The following WLS variants were observed in gnomAD, a reference collection of about 807,000 sequenced individuals.
WLS encodes the protein protein wntless homolog.
Under a neutral mutation model 62.8 loss-of-function variants are expected in WLS, and 23 were observed. That is an observed-to-expected ratio of 0.37 (90% CI 0.26 to 0.52). WLS has a LOEUF of 0.52. WLS is among the 20% of genes least tolerant of loss of function. The probability of loss-of-function intolerance (pLI) is 0.92; values close to 1 mark genes in which losing one functional copy is unlikely to be tolerated. For synonymous variants in WLS, 246 were observed against 244.1 expected (o/e 1.01, Z -0.07); for missense variants, 615 against 697.3 (o/e 0.88, Z 1.33).
Position 68,232,254 on chromosome 1 carries a change from T to C in WLS, c.46A>G (p.Ile16Val), listed in dbSNP as rs1376915170. The stretch of plus-strand genomic sequence containing the variant: ...AACACGAGCAGAATCCCACCAACAA[T>C]GCACAGCTTCTTGGTGCTCATGTTT... ...IENMSTKKLC[I>V]VGGILLVFQI... Residue 16 changes from isoleucine (I) to valine (V), a missense_variant, in exon 1 of 12, where the codon ATT (isoleucine) becomes GTT (valine). Physicochemically the swap from Ile to Val is conservative, Grantham distance 29. Coordinates refer to ENST00000262348, the MANE Select transcript of WLS (RefSeq NM_024911.7). 6.2e-7 allele frequency: 1 copy of C among 1,614,016 alleles called. No homozygotes were observed. The highest frequency in any genetic ancestry group is 1.3e-5 in the African/African-American group (1 of 74,926).
At chr1:68,107,210 C>T (rs543910666) in intron 11 of WLS, among the ~76,000 whole-genome samples, 2 of 151,930 alleles carry the variant, frequency 1.3e-5, no homozygotes, top group African/African-American at 4.8e-5. Context: ...TAAATAGATC[C>T]TTTTGTATAT....
At chr1:68,211,246 C>A (rs1471106932) in intron 1 of WLS, among the ~76,000 whole-genome samples, 1 of 151,540 alleles carries the variant, frequency 6.6e-6, no homozygotes, top group East Asian at 1.9e-4. Context: ...TGTAAATTTG[C>A]AGACCTGTCC....
chr1:68,114,252 G>T (rs1249271844), intron 11 of WLS, among the ~76,000 whole-genome samples: 1 of 152,206 alleles, frequency 6.6e-6, no homozygotes, highest in African/African-American at 2.4e-5. Context: ...AAGATAGAGG[G>T]ACTCGGAGAC....
chr1:68,138,788 C>T lies in WLS; in HGVS notation c.1363-855G>A, dbSNP rs1646647540. On this transcript the variant is annotated intron_variant, in intron 10 of 11. Coordinates refer to ENST00000262348, the MANE Select transcript of WLS (RefSeq NM_024911.7). ...AAATGATTTTGACCACTTCTGCTTA[C>T]TACGGGACACTTAAAATGGAAATAG... is the stretch of plus-strand genomic sequence containing the variant. Among the ~76,000 whole-genome samples, 4 of 152,188 alleles carry T rather than the reference C, an allele frequency of 2.6e-5. No individual in the cohort carries two copies. The South Asian group carries it at 8.3e-4, about 32-fold the overall frequency.
chr1:68,127,528 AAAC>A (rs1184969284), intron 11 of WLS, among the ~76,000 whole-genome samples: 2 of 150,572 alleles, frequency 1.3e-5, no homozygotes, highest in African/African-American at 2.4e-5. Flanking sequence ...GTGAATGTAT[AAAC>A]AACAAAGGGA....
At chr1:68,229,840 T>C (rs975348999) in intron 1 of WLS, among the ~76,000 whole-genome samples, 17 of 152,200 alleles carry the variant, frequency 1.1e-4, no homozygotes, top group African/African-American at 1.7e-4. Flanking sequence ...AGTAAACTTA[T>C]ACAGTTTCCT....
At chr1:68,106,433 G>GT (rs1327247183) in intron 11 of WLS, among the ~76,000 whole-genome samples, 1 of 152,138 alleles carries the variant, frequency 6.6e-6, no homozygotes, top group Non-Finnish European at 1.5e-5. Context: ...CCTAAGGGAA[G>GT]TTTGGAGGAT....
At chr1:68,122,456 A>G (rs781478059), downstream of WLS, among the ~76,000 whole-genome samples, 5 of 152,254 alleles carry the variant, frequency 3.3e-5, no homozygotes, top group Non-Finnish European at 5.9e-5. Context: ...TGTAGGAACA[A>G]TACATAGTGA....
Position 68,170,124 on chromosome 1 carries a change from A to T in WLS, c.380-10877T>A, listed in dbSNP as rs957163106. On this transcript the variant is annotated intron_variant, in intron 2 of 11. Coordinates refer to ENST00000262348, the MANE Select transcript of WLS (RefSeq NM_024911.7). ...GCCAAGCACTCAGCACAGGCCTGGC[A>T]TATAGTAAGCACTCAGTCAATGCTG... Among the ~76,000 whole-genome samples, 7 of 150,966 alleles carry T rather than the reference A, an allele frequency of 4.6e-5. No homozygotes were observed. The East Asian group carries it at 7.8e-4, about 17-fold the overall frequency.
intron 1 of WLS, chr1:68,228,371 G>A: frequency 6.3e-6 from 2 of 315,498 alleles, no homozygotes; most frequent in Admixed American, 4.6e-5. Context: ...TCTGAGACAT[G>A]ACTAATTTGA....
intron 2 of WLS, among the ~76,000 whole-genome samples, chr1:68,181,193 A>G (rs1001380171): frequency 1.3e-5 from 2 of 152,174 alleles, no homozygotes; most frequent in Non-Finnish European, 2.9e-5. Flanking sequence ...CTATGTTATG[A>G]CCAGCTGGCA....
intron 10 of WLS, among the ~76,000 whole-genome samples, chr1:68,143,556 A>G (rs1188340010): frequency 5.3e-5 from 8 of 152,208 alleles, no homozygotes; most frequent in Admixed American, 5.2e-4. Context: ...TGTTTGAAAT[A>G]CACAAATACT....
chr1:68,223,147 C>T (rs1376578542), intron 1 of WLS, among the ~76,000 whole-genome samples: 1 of 152,174 alleles, frequency 6.6e-6, no homozygotes, highest in African/African-American at 2.4e-5. Flanking sequence ...CATAATCAAG[C>T]TTCACTAACA....
chr1:68,143,916 C>T (rs1439813727), intron 10 of WLS, among the ~76,000 whole-genome samples: 3 of 152,190 alleles, frequency 2.0e-5, no homozygotes, highest in Admixed American at 2.0e-4. Flanking sequence ...AAAACTTTCT[C>T]CAAAGCTATT....
intron 11 of WLS, among the ~76,000 whole-genome samples, chr1:68,129,138 A>G (rs1438312876): frequency 1.3e-5 from 2 of 152,144 alleles, no homozygotes; most frequent in Non-Finnish European, 2.9e-5. Flanking sequence ...AGCCTGGTCA[A>G]CATGGCAAAA....
chr1:68,225,599 A>T (rs907334001), intron 1 of WLS, among the ~76,000 whole-genome samples: 1 of 152,216 alleles, frequency 6.6e-6, no homozygotes, highest in Admixed American at 6.5e-5. Flanking sequence ...AAAGAACAAA[A>T]TGTACCTATT....
chr1:68,157,004 A>G (rs1646908914), intron 3 of WLS, among the ~76,000 whole-genome samples: 1 of 152,216 alleles, frequency 6.6e-6, no homozygotes, highest in Non-Finnish European at 1.5e-5. Context: ...AAACCTACTT[A>G]GTCTAATTCC....
chr1:68,119,207 T>C, intron 11 of WLS, among the ~76,000 whole-genome samples: 1 of 152,174 alleles, frequency 6.6e-6, no homozygotes, highest in East Asian at 1.9e-4. Flanking sequence ...AAAGGGCAGG[T>C]TATATAACTG....
At chr1:68,130,233 G>A (rs987615305) in intron 11 of WLS, among the ~76,000 whole-genome samples, 3 of 152,186 alleles carry the variant, frequency 2.0e-5, no homozygotes, top group Non-Finnish European at 4.4e-5. Flanking sequence ...CTCTCATTCT[G>A]AGGATGTATT....
Sources: gnomAD v4.1 joint callset for allele counts (sites outside exome capture counted in the v4.1 genomes callset) on GRCh38, gnomAD v4.1.1 for gene constraint, MANE v1.5 for transcripts, NCBI Gene and HGNC (gene_info 2026-07-23, HGNC 2026-07-21) for gene names.